CDH4: variants seen among roughly 807,000 people sequenced by gnomAD.
CDH4 encodes the protein cadherin 4.
Under a neutral mutation model 86.0 loss-of-function variants are expected in CDH4, and 33 were observed. The observed-to-expected ratio is 0.38, with a 90% CI of 0.29 to 0.51. The LOEUF (loss-of-function observed/expected upper bound fraction) is 0.51, where lower values mean the gene tolerates loss of function less well. Ranked by LOEUF, CDH4 falls within the 20% of genes least tolerant of loss-of-function variation. CDH4 has a pLI of 0.86. For synonymous variants in CDH4, 555 were observed against 549.4 expected (o/e 1.01, Z -0.14); for missense variants, 1,114 against 1,307.4 (o/e 0.85, Z 2.28).
At position 61,883,010 on chromosome 20, in the gene CDH4, C is replaced by T. The variant is rs185812497; in HGVS notation, c.1050+9110C>T. ...AAGCCCAGTGATCCTGTTCAAACAC[C>T]AATCTGAGCTCTTGTCTTTTCAAAC... On this transcript the variant is annotated intron_variant, in intron 7 of 15. Coordinates refer to ENST00000614565, the MANE Select transcript of CDH4 (RefSeq NM_001794.5). Among the ~76,000 whole-genome samples, 5 of 152,306 alleles carry T rather than the reference C, an allele frequency of 3.3e-5. No individual in the cohort carries two copies. In the East Asian group the frequency reaches 7.7e-4, roughly 24 times the overall value.
intron 2 of CDH4, among the ~76,000 whole-genome samples, chr20:61,571,453 G>T (rs141258702): frequency 6.6e-6 from 1 of 152,172 alleles, no homozygotes; most frequent in African/African-American, 2.4e-5. Context: ...GGGAGTGACT[G>T]CAGGACCCAG....
intron 2 of CDH4, among the ~76,000 whole-genome samples, chr20:61,343,558 C>T (rs1440651983): frequency 6.6e-6 from 1 of 152,102 alleles, no homozygotes; most frequent in East Asian, 1.9e-4. Flanking sequence ...GATCCTGCTG[C>T]AGCAGTATAA....
intron 4 of CDH4, among the ~76,000 whole-genome samples, chr20:61,812,486 T>C (rs1349343568): frequency 6.6e-6 from 1 of 152,222 alleles, no homozygotes; most frequent in East Asian, 1.9e-4. Context: ...TGGTACCGAC[T>C]GCACCAGCTT....
At chr20:61,383,421 A>AT (rs2145451248) in intron 2 of CDH4, among the ~76,000 whole-genome samples, 1 of 1,010 alleles carries the variant, frequency 9.9e-4, no homozygotes, top group Non-Finnish European at 1.9e-3. Flanking sequence ...TATGATATAT[A>AT]TGATATATAT....
chr20:61,390,547 C>A (rs1222233139), intron 2 of CDH4, among the ~76,000 whole-genome samples: 1 of 148,368 alleles, frequency 6.7e-6, no homozygotes, highest in African/African-American at 2.5e-5. Context: ...GCCCATAGCG[C>A]CATGTCTAGG....
At chr20:61,852,542 G>A (rs952641291) in intron 5 of CDH4, among the ~76,000 whole-genome samples, 51 of 152,178 alleles carry the variant, frequency 3.4e-4, no homozygotes, top group African/African-American at 1.1e-3. Flanking sequence ...AGCTCTGTGC[G>A]TCGCCCCACT....
intron 2 of CDH4, chr20:61,434,848 C>T (rs529580600): frequency 1.3e-5 from 2 of 152,252 alleles, no homozygotes; most frequent in Admixed American, 1.3e-4. Flanking sequence ...AGTCATTCCT[C>T]CCTGGGCTGC....
rs192825817 is a variant in CDH4 at position 61,934,294 on chromosome 20, G to C, written c.2544+74G>C. The C allele has an allele frequency of 4.2e-3, 6,096 of 1,452,908 alleles. 22 individuals are homozygous for C. Among genetic ancestry groups the C allele is most frequent in the Non-Finnish European group, 5.1e-3 (5,509 of 1,090,284 alleles). 90.0% of individuals were successfully genotyped at this position (1,452,908 alleles called of 1,614,324 possible). Reference sequence around the variant, plus strand: ...AAATTAAATTCTGGTAACACACACAGAAGCCATCTCCACAGTGCCGGCGGC... The same window carrying C: ...AAATTAAATTCTGGTAACACACACACAAGCCATCTCCACAGTGCCGGCGGC... On this transcript the variant is annotated intron_variant, in intron 15 of 15. Coordinates refer to ENST00000614565, the MANE Select transcript of CDH4 (RefSeq NM_001794.5).
Position 61,620,162 on chromosome 20 carries a change from A to ATGGATGGACGGATGGGTGGGTGGG in CDH4, c.170-123393_170-123392insCGGATGGGTGGGTGGGTGGATGGA, listed in dbSNP as rs1433672851. Among the ~76,000 whole-genome samples, 27 of 115,852 alleles carry ATGGATGGACGGATGGGTGGGTGGG rather than the reference A, an allele frequency of 2.3e-4. 2 individuals carry two copies. The highest frequency in any genetic ancestry group is 8.7e-4 in the African/African-American group (25 of 28,864). 76.0% of individuals were successfully genotyped at this position (115,852 alleles called of 152,430 possible). A position where few individuals can be genotyped will look rare whatever the true frequency, so the allele number is the denominator to read the frequency against. ...CCACTTGGAAAGATGGTTTGGATGG[A>ATGGATGGACGGATGGGTGGGTGGG]TGGATGGATGGATGGGTGGGTGGGT... On this transcript the variant is annotated intron_variant, in intron 2 of 15. Coordinates refer to ENST00000614565, the MANE Select transcript of CDH4 (RefSeq NM_001794.5).
intron 2 of CDH4, among the ~76,000 whole-genome samples, chr20:61,594,802 G>A (rs893805119): frequency 5.9e-5 from 9 of 152,302 alleles, no homozygotes; most frequent in African/African-American, 2.2e-4. Flanking sequence ...AGACATCTTC[G>A]CTGACCCACA....
chr20:61,938,468 T>TTCTG lies in CDH4; in HGVS notation c.*1529_*1532dup, dbSNP rs1350057737. 3 of 152,582 alleles carry TTCTG rather than the reference T, an allele frequency of 2.0e-5. No homozygotes were observed. The East Asian group carries it at 5.8e-4, about 29-fold the overall frequency. 9.5% of individuals were successfully genotyped at this position (152,582 alleles called of 1,614,324 possible). A position where few individuals can be genotyped will look rare whatever the true frequency, so the allele number is the denominator to read the frequency against. ...GGGGAAGCCTCGTGCTTGGTCAGCT[T>TTCTG]TCTGTCTCTCCCAGGCCAGTGACAA... On this transcript the variant is annotated 3_prime_UTR_variant, in exon 16 of 16. Coordinates refer to ENST00000614565, the MANE Select transcript of CDH4 (RefSeq NM_001794.5).
At chr20:61,569,186 T>C (rs1327666910) in intron 2 of CDH4, among the ~76,000 whole-genome samples, 1 of 152,158 alleles carries the variant, frequency 6.6e-6, no homozygotes, top group Non-Finnish European at 1.5e-5. Context: ...GGCCTCATAT[T>C]GCTCGCCTTC....
intron 2 of CDH4, among the ~76,000 whole-genome samples, chr20:61,442,316 G>A (rs1308080480): frequency 2.0e-5 from 3 of 152,184 alleles, no homozygotes; most frequent in Non-Finnish European, 4.4e-5. Context: ...CCTCCCTGAC[G>A]TGCAGACCCT....
At chr20:61,411,054 C>T (rs2085116383) in intron 2 of CDH4, among the ~76,000 whole-genome samples, 1 of 151,842 alleles carries the variant, frequency 6.6e-6, no homozygotes, top group South Asian at 2.1e-4. Flanking sequence ...ATCCTCCTGT[C>T]CATCTTCCTA....
intron 2 of CDH4, among the ~76,000 whole-genome samples, chr20:61,386,883 C>T (rs1037794852): frequency 3.9e-5 from 6 of 152,200 alleles, no homozygotes; most frequent in Non-Finnish European, 1.5e-5. Context: ...AGATGTTCCC[C>T]GGAGCCCGGG....
chr20:61,745,528 A>G (rs916291522), intron 3 of CDH4, among the ~76,000 whole-genome samples: 1 of 152,196 alleles, frequency 6.6e-6, no homozygotes, highest in South Asian at 2.1e-4. Context: ...TGTTAAACCA[A>G]GCAGCAGAGC....
intron 2 of CDH4, among the ~76,000 whole-genome samples, chr20:61,604,743 C>A (rs1378526106): frequency 6.6e-6 from 1 of 150,952 alleles, no homozygotes; most frequent in Non-Finnish European, 1.5e-5. Flanking sequence ...ATTTCTTGGA[C>A]AAGTCATTTG....
At chr20:61,495,902 CAAAAAAAAAAA>C (rs72458954) in intron 2 of CDH4, among the ~76,000 whole-genome samples, 2 of 58,424 alleles carry the variant, frequency 3.4e-5, no homozygotes, top group African/African-American at 7.0e-5. Flanking sequence ...GACTCCATCT[CAAAAAAAAAAA>C]AAAAAAAAAA....
At chr20:61,400,261 C>T (rs2145478361) in intron 2 of CDH4, among the ~76,000 whole-genome samples, 1 of 152,296 alleles carries the variant, frequency 6.6e-6, no homozygotes, top group Admixed American at 6.5e-5. Context: ...AGATGATGCT[C>T]TACAATCAGA....
Sources: allele counts gnomAD v4.1 joint callset (sites outside exome capture counted in the v4.1 genomes callset), GRCh38; gene constraint gnomAD v4.1.1; transcripts MANE v1.5; gene names NCBI Gene and HGNC (gene_info 2026-07-23, HGNC 2026-07-21).